Variants in CDH8 observed in about 807,000 individuals in gnomAD.
The protein encoded by CDH8 is cadherin-8.
CDH8 carries 17 observed loss-of-function variants against 68.1 expected under a neutral mutation model. The observed-to-expected ratio is 0.25, with a 90% CI of 0.17 to 0.37. The LOEUF is 0.37. Among genes scored for constraint, CDH8 ranks in the 10% least tolerant of loss-of-function variants. The pLI is 1.00. For synonymous variants in CDH8, 372 were observed against 365.1 expected, an observed-to-expected ratio of 1.02 and a Z score of -0.21; for missense variants, 763 against 999.3, an observed-to-expected ratio of 0.76 and a Z score of 3.19.
At chr16:61,865,819 A>G (rs1308449576) in intron 3 of CDH8, among the ~76,000 whole-genome samples, 1 of 152,234 alleles carries the variant, frequency 6.6e-6, no homozygotes, top group Non-Finnish European at 1.5e-5. Context: ...TGAGAACTAA[A>G]TAGCACCATA....
At chr16:61,970,227 C>T (rs1965316342) in intron 2 of CDH8, among the ~76,000 whole-genome samples, 1 of 152,060 alleles carries the variant, frequency 6.6e-6, no homozygotes, top group African/African-American at 2.4e-5. Flanking sequence ...TAGGTAGAAA[C>T]ATTAGCCATG....
At chr16:61,934,089 T>C (rs193153510) in intron 2 of CDH8, 15 of 152,176 alleles carry the variant, frequency 9.9e-5, no homozygotes, top group Admixed American at 8.5e-4. Context: ...ATAAATGAAT[T>C]TGCCTCATCC....
At chr16:61,831,047 G>C (rs1257134712) in intron 4 of CDH8, among the ~76,000 whole-genome samples, 14 of 151,770 alleles carry the variant, frequency 9.2e-5, no homozygotes, top group Non-Finnish European at 1.5e-5. Flanking sequence ...GTAACATTTT[G>C]TAATTTTGAG....
At chr16:61,933,880 A>G (rs1350532091) in intron 2 of CDH8, among the ~76,000 whole-genome samples, 1 of 152,218 alleles carries the variant, frequency 6.6e-6, no homozygotes, top group Non-Finnish European at 1.5e-5. Context: ...TAAGTAGTAT[A>G]GCGAGAACAA....
At chr16:62,010,371 C>T (rs549047683) in intron 2 of CDH8, among the ~76,000 whole-genome samples, 3 of 152,238 alleles carry the variant, frequency 2.0e-5, no homozygotes, top group South Asian at 2.1e-4. Context: ...CAAATGAGAT[C>T]GTGTGTTGCC....
intron 1 of CDH8, among the ~76,000 whole-genome samples, chr16:62,030,478 G>A (rs1025106898): frequency 7.2e-5 from 11 of 151,932 alleles, no homozygotes; most frequent in African/African-American, 2.4e-4. Flanking sequence ...GACTAATAAA[G>A]AAGAAAATGT....
intron 2 of CDH8, among the ~76,000 whole-genome samples, chr16:61,993,053 G>A (rs1485633751): frequency 6.6e-6 from 1 of 152,120 alleles, no homozygotes; most frequent in Non-Finnish European, 1.5e-5. Context: ...CCAAAGTACT[G>A]GGATTACAAG....
chr16:61,666,436 T>C (rs1380847992), intron 10 of CDH8, among the ~76,000 whole-genome samples: 1 of 152,064 alleles, frequency 6.6e-6, no homozygotes, highest in Non-Finnish European at 1.5e-5. Context: ...TCTATTTGTT[T>C]TAGTGTACTT....
At chr16:61,882,093 C>T (rs1963590067) in intron 3 of CDH8, among the ~76,000 whole-genome samples, 1 of 152,146 alleles carries the variant, frequency 6.6e-6, no homozygotes, top group Non-Finnish European at 1.5e-5. Flanking sequence ...GGCAGAATGT[C>T]TCTTCAAACC....
intron 2 of CDH8, among the ~76,000 whole-genome samples, chr16:61,959,597 T>C (rs909235811): frequency 6.6e-6 from 1 of 151,448 alleles, no homozygotes; most frequent in Non-Finnish European, 1.5e-5. Flanking sequence ...TGTGTGTGTG[T>C]GTATATATAT....
At chr16:61,665,804 CTTT>C (rs1963662826) in intron 10 of CDH8, among the ~76,000 whole-genome samples, 1 of 122,986 alleles carries the variant, frequency 8.1e-6, no homozygotes. Context: ...TCCTTCCTTC[CTTT>C]CCCTCCTTCC....
At chr16:61,865,316 T>C (rs990066212) in intron 3 of CDH8, among the ~76,000 whole-genome samples, 1 of 152,176 alleles carries the variant, frequency 6.6e-6, no homozygotes, top group African/African-American at 2.4e-5. Flanking sequence ...TAATGAAACA[T>C]CCATGCACAC....
intron 10 of CDH8, chr16:61,691,773 C>T (rs1964228440): frequency 6.6e-6 from 1 of 151,886 alleles, no homozygotes; most frequent in African/African-American, 2.4e-5. Context: ...GTACTTGGCT[C>T]AAACACTGAA....
chr16:61,944,753 G>A (rs1233692175), intron 2 of CDH8, among the ~76,000 whole-genome samples: 1 of 152,066 alleles, frequency 6.6e-6, no homozygotes, highest in Non-Finnish European at 1.5e-5. Context: ...ACCAGTCTGT[G>A]CTGCATAGTT....
At chr16:61,801,419 G>A (rs994411263) in intron 7 of CDH8, among the ~76,000 whole-genome samples, 3 of 152,214 alleles carry the variant, frequency 2.0e-5, no homozygotes, top group African/African-American at 7.2e-5. Context: ...TGTGGATTTG[G>A]GAGCTGGACA....
chr16:61,950,704 A>T (rs74616329), intron 2 of CDH8, among the ~76,000 whole-genome samples: 3,153 of 152,294 alleles, frequency 0.021, 100 homozygotes, highest in African/African-American at 0.072. Context: ...CATATTCACT[A>T]TACAGCCATA....
chr16:61,928,205 G>A (rs187602490), intron 2 of CDH8, among the ~76,000 whole-genome samples: 7 of 152,246 alleles, frequency 4.6e-5, no homozygotes, highest in Non-Finnish European at 8.8e-5. Context: ...CAAATTTCTT[G>A]ATGTGAATCA....
intron 2 of CDH8, among the ~76,000 whole-genome samples, chr16:61,903,414 G>GC (rs1187734028): frequency 3.3e-5 from 5 of 152,282 alleles, no homozygotes; most frequent in Admixed American, 2.0e-4. Context: ...AGCTCCGCCT[G>GC]CCGGGTTGAC....
At chr16:61,963,212 G>T (rs1456085296) in intron 2 of CDH8, among the ~76,000 whole-genome samples, 2 of 151,972 alleles carry the variant, frequency 1.3e-5, no homozygotes, top group South Asian at 2.1e-4. Flanking sequence ...TGGTGGGGAG[G>T]GGGGAGACAA....
Sources: allele counts gnomAD v4.1 joint callset (sites outside exome capture counted in the v4.1 genomes callset), GRCh38; gene constraint gnomAD v4.1.1; transcripts MANE v1.5; gene names NCBI Gene and HGNC (gene_info 2026-07-23, HGNC 2026-07-21).